Variants in CDYL2 observed in about 807,000 individuals in gnomAD.
CDYL2 encodes the protein chromodomain Y like 2, also known as chromodomain Y-like protein 2.
Under a neutral mutation model 49.4 loss-of-function variants are expected in CDYL2, and 23 were observed. The ratio of observed to expected loss-of-function variants is 0.47; its 90% CI spans 0.34 to 0.66. The LOEUF is 0.66. Among genes scored for constraint, CDYL2 ranks in the 30% least tolerant of loss-of-function variants. The probability of loss-of-function intolerance (pLI) is 0.01; values close to 1 mark genes in which losing one functional copy is unlikely to be tolerated. For synonymous variants in CDYL2, 360 were observed against 268.8 expected (o/e 1.34, Z -3.32); for missense variants, 678 against 656.4 (o/e 1.03, Z -0.36).
intron 2 of CDYL2, among the ~76,000 whole-genome samples, chr16:80,657,845 T>C (rs996281238): frequency 2.0e-5 from 3 of 152,112 alleles, no homozygotes; most frequent in Non-Finnish European, 4.4e-5. Context: ...AATATATATA[T>C]GCATAAAATT....
At chr16:80,619,430 T>C (rs904338345) in intron 4 of CDYL2, among the ~76,000 whole-genome samples, 2 of 152,228 alleles carry the variant, frequency 1.3e-5, no homozygotes, top group Non-Finnish European at 2.9e-5. Context: ...CCTGGACTTC[T>C]GGAAATCCAG....
chr16:80,651,919 G>C (rs1333789017), intron 2 of CDYL2, among the ~76,000 whole-genome samples: 1 of 152,218 alleles, frequency 6.6e-6, no homozygotes, highest in East Asian at 1.9e-4. Context: ...CACTGTGGGA[G>C]TTGGAGTTTA....
At chr16:80,698,354 T>C (rs566463174) in intron 1 of CDYL2, among the ~76,000 whole-genome samples, 69 of 152,316 alleles carry the variant, frequency 4.5e-4, no homozygotes, top group African/African-American at 1.6e-3. Context: ...TTGCAAATTA[T>C]GCATTTGACA....
chr16:80,655,008 C>T (rs1382368360), intron 2 of CDYL2, among the ~76,000 whole-genome samples: 2 of 152,206 alleles, frequency 1.3e-5, no homozygotes, highest in African/African-American at 2.4e-5. Flanking sequence ...CCAGGCAGAT[C>T]CAGGGCACGG....
At chr16:80,765,928 G>A (rs2142388925) in intron 1 of CDYL2, among the ~76,000 whole-genome samples, 1 of 147,456 alleles carries the variant, frequency 6.8e-6, no homozygotes, top group Non-Finnish European at 1.5e-5. Context: ...GCGACAACAT[G>A]GATGAACCTT....
At chr16:80,641,094 G>C (rs1908065995) in intron 2 of CDYL2, among the ~76,000 whole-genome samples, 1 of 152,058 alleles carries the variant, frequency 6.6e-6, no homozygotes. Context: ...CAATATCCAA[G>C]TACAAGAAGG....
At chr16:80,625,037 G>C (rs1369717200) in intron 3 of CDYL2, among the ~76,000 whole-genome samples, 1 of 152,186 alleles carries the variant, frequency 6.6e-6, no homozygotes, top group Non-Finnish European at 1.5e-5. Flanking sequence ...TAAAGGATGA[G>C]AATTTAACAG....
At chr16:80,667,696 G>C (rs1388280718) in intron 2 of CDYL2, among the ~76,000 whole-genome samples, 2 of 152,104 alleles carry the variant, frequency 1.3e-5, no homozygotes, top group Non-Finnish European at 2.9e-5. Context: ...AAACAAGTGG[G>C]GAAATATAAA....
chr16:80,769,575 C>T (rs1156600532), intron 1 of CDYL2, among the ~76,000 whole-genome samples: 1 of 152,154 alleles, frequency 6.6e-6, no homozygotes, highest in African/African-American at 2.4e-5. Context: ...AGGGAGGAAC[C>T]TTCAGCAGAC....
chr16:80,739,165 T>C (rs1760041574), intron 1 of CDYL2, among the ~76,000 whole-genome samples: 1 of 152,218 alleles, frequency 6.6e-6, no homozygotes, highest in South Asian at 2.1e-4. Flanking sequence ...GAAAAGACTG[T>C]ATGATTCCAC....
intron 2 of CDYL2, among the ~76,000 whole-genome samples, chr16:80,659,915 G>A (rs1013304411): frequency 1.3e-4 from 20 of 151,768 alleles, no homozygotes; most frequent in African/African-American, 3.4e-4. Context: ...TAATATTAAT[G>A]ATAAACTGTA....
At chr16:80,718,358 C>T (rs1302826376) in intron 1 of CDYL2, among the ~76,000 whole-genome samples, 3 of 152,148 alleles carry the variant, frequency 2.0e-5, no homozygotes, top group Admixed American at 6.5e-5. Flanking sequence ...TGAACTATTA[C>T]CTTATGTGCA....
At chr16:80,782,707 A>C (rs1907312182) in intron 1 of CDYL2, among the ~76,000 whole-genome samples, 1 of 152,046 alleles carries the variant, frequency 6.6e-6, no homozygotes, top group Non-Finnish European at 1.5e-5. Context: ...AAAATCAATA[A>C]ATGTAATATG....
chr16:80,643,977 A>C (rs534977639), intron 2 of CDYL2, among the ~76,000 whole-genome samples: 1 of 152,332 alleles, frequency 6.6e-6, no homozygotes, highest in South Asian at 2.1e-4. Context: ...CCTAAAACAA[A>C]AAAATGGGTT....
chr16:80,686,921 T>C (rs183050328), intron 1 of CDYL2, among the ~76,000 whole-genome samples: 149 of 152,352 alleles, frequency 9.8e-4, no homozygotes, highest in African/African-American at 3.4e-3. Flanking sequence ...ATTTATTAGA[T>C]AATTTTTAGA....
chr16:80,629,128 G>A lies in CDYL2; in HGVS notation c.834+3891C>T, dbSNP rs554542796. On this transcript the variant is annotated intron_variant, in intron 3 of 6. Transcript: ENST00000570137. ...ACCACGCTGAGGGTTCTGACTGTCA[G>A]CCAGGGTAATCAGGAGCCATCGACA... is the stretch of plus-strand genomic sequence containing the variant. Among the ~76,000 whole-genome samples, 20 of 152,298 alleles carry A rather than the reference G, an allele frequency of 1.3e-4. No individual in the cohort carries two copies. The South Asian group carries it at 3.7e-3, about 28-fold the overall frequency.
chr16:80,648,649 A>C (rs1908454982), intron 2 of CDYL2, among the ~76,000 whole-genome samples: 1 of 152,040 alleles, frequency 6.6e-6, no homozygotes, highest in East Asian at 1.9e-4. Flanking sequence ...TCATTCTACA[A>C]GGCCAGTATT....
At chr16:80,745,805 C>T (rs972629877) in intron 1 of CDYL2, among the ~76,000 whole-genome samples, 2 of 152,156 alleles carry the variant, frequency 1.3e-5, no homozygotes, top group African/African-American at 4.8e-5. Context: ...ATGACCAGGA[C>T]AGCTTGGAAG....
At chr16:80,767,385 T>G (rs1383515508) in intron 1 of CDYL2, among the ~76,000 whole-genome samples, 1 of 152,182 alleles carries the variant, frequency 6.6e-6, no homozygotes, top group African/African-American at 2.4e-5. Flanking sequence ...AAGGAGAGCT[T>G]AATTTCAGTT....
Sources: allele counts gnomAD v4.1 joint callset (sites outside exome capture counted in the v4.1 genomes callset), GRCh38; gene constraint gnomAD v4.1.1; transcripts MANE v1.5; gene names NCBI Gene and HGNC (gene_info 2026-07-23, HGNC 2026-07-21).